The following SRFBP1 variants were observed in gnomAD, a reference collection of about 807,000 sequenced individuals.
SRFBP1 encodes the protein serum response factor binding protein 1, also known as serum response factor-binding protein 1.
A neutral mutation model predicts 45.5 loss-of-function variants in SRFBP1; 47 were observed. That is an observed-to-expected ratio of 1.03 (90% confidence interval 0.82 to 1.32). The LOEUF (loss-of-function observed/expected upper bound fraction) is 1.32, where lower values mean the gene tolerates loss of function less well. SRFBP1 is among the 40% of genes most tolerant of loss of function. The pLI, the probability that SRFBP1 is intolerant of heterozygous loss-of-function variation, is 0.00. For synonymous variants in SRFBP1, 203 were observed against 166.3 expected, an observed-to-expected ratio of 1.22 and a Z score of -1.70; for missense variants, 621 against 484.6, an observed-to-expected ratio of 1.28 and a Z score of -2.64.
rs185811516 is a variant in SRFBP1, at chr5:122,044,275, A to G, written n.311+21868A>G. On this transcript the variant is annotated intron_variant and non_coding_transcript_variant, in intron 2 of 2. Transcript: ENST00000504881. ...ATTGGTGATCATTTAGATTGATTCT[A>G]TGTCTTTGCTATTGTGAATAGGGCT... Among the ~76,000 whole-genome samples, 743 of 152,276 alleles carry G rather than the reference A, an allele frequency of 4.9e-3. 1 individual carries two copies. The highest frequency in any genetic ancestry group is 7.6e-3 in the Non-Finnish European group (516 of 68,016).
intron 3 of SRFBP1, among the ~76,000 whole-genome samples, chr5:121,983,933 G>A (rs1298972420): frequency 1.3e-5 from 2 of 151,724 alleles, no homozygotes; most frequent in African/African-American, 2.4e-5. Flanking sequence ...AATTTCTCAT[G>A]AGTATTAAAA....
At chr5:122,055,967 T>C (rs1754070743) in intron 2 of SRFBP1, among the ~76,000 whole-genome samples, 2 of 152,202 alleles carry the variant, frequency 1.3e-5, no homozygotes, top group African/African-American at 4.8e-5. Flanking sequence ...CCTTCATCTT[T>C]ATTTAAGGTA....
intron 2 of SRFBP1, among the ~76,000 whole-genome samples, chr5:122,036,259 C>T (rs1379030064): frequency 6.6e-6 from 1 of 152,054 alleles, no homozygotes; most frequent in Non-Finnish European, 1.5e-5. Flanking sequence ...GGTGAGTACT[C>T]ATCTGTGCTC....
chr5:122,037,674 A>G (rs1580539233), intron 2 of SRFBP1, among the ~76,000 whole-genome samples: 2 of 148,902 alleles, frequency 1.3e-5, no homozygotes, highest in African/African-American at 5.1e-5. Flanking sequence ...TTTATTTTGT[A>G]TTCTTTTTTT....
chr5:122,003,976 C>G (rs958117439), intron 4 of SRFBP1, among the ~76,000 whole-genome samples: 11 of 151,936 alleles, frequency 7.2e-5, no homozygotes, highest in African/African-American at 2.7e-4. Flanking sequence ...GCTCTGTCAC[C>G]CACACTGGAG....
intron 1 of SRFBP1, among the ~76,000 whole-genome samples, chr5:121,966,941 A>C (rs1050101267): frequency 2.5e-5 from 3 of 118,602 alleles, no homozygotes; most frequent in Admixed American, 1.9e-4. Flanking sequence ...CATCACGCCC[A>C]GCTAATTTTT....
At chr5:121,995,064 G>T (rs1039938702) in intron 4 of SRFBP1, among the ~76,000 whole-genome samples, 1 of 151,296 alleles carries the variant, frequency 6.6e-6, no homozygotes, top group East Asian at 1.9e-4. Context: ...CAATAATAAT[G>T]GGAGACTTTA....
At chr5:121,972,430 G>A (rs1752219530) in intron 1 of SRFBP1, among the ~76,000 whole-genome samples, 1 of 151,970 alleles carries the variant, frequency 6.6e-6, no homozygotes, top group South Asian at 2.1e-4. Flanking sequence ...GCATTGTAGA[G>A]TGAACTGAAC....
At chr5:122,034,645 A>G (rs899467142) in intron 2 of SRFBP1, among the ~76,000 whole-genome samples, 2 of 152,058 alleles carry the variant, frequency 1.3e-5, no homozygotes, top group African/African-American at 4.8e-5. Flanking sequence ...ATAACCTATT[A>G]TTATTATACC....
At chr5:121,992,590 C>T (rs1033499780) in intron 3 of SRFBP1, among the ~76,000 whole-genome samples, 31 of 152,036 alleles carry the variant, frequency 2.0e-4, no homozygotes, top group African/African-American at 4.3e-4. Context: ...GGCTCATGGA[C>T]GTCTTCCAGG....
chr5:122,049,839 CACA>C lies in SRFBP1; in HGVS notation n.312-25472_312-25470del, dbSNP rs1753937090. On this transcript the variant is annotated intron_variant and non_coding_transcript_variant, in intron 2 of 2. Transcript: ENST00000504881. ...TCTTTGAAACCAATGAGAACAAGGACACAACATACCAGAATCTCTGGGACACAT... is the reference window on the plus strand; with the variant it reads ...TCTTTGAAACCAATGAGAACAAGGACACATACCAGAATCTCTGGGACACAT... Among the ~76,000 whole-genome samples, 9 of 152,246 alleles carry C rather than the reference CACA, an allele frequency of 5.9e-5. No individual in the cohort carries two copies. The South Asian group carries it at 1.9e-3, about 32-fold the overall frequency.
rs780133813 is a variant in SRFBP1 at position 121,975,292 on chromosome 5, A to C, written c.126-23A>C. ...TAAAATTAATGCTTTGCCTGGCTAC[A>C]TATCGTAATGTATTTTTTGCAGGGG... On this transcript the variant is annotated intron_variant, in intron 2 of 7. Transcript: ENST00000339397. 20 of 1,611,456 alleles carry C rather than the reference A, an allele frequency of 1.2e-5. No homozygotes were observed. The East Asian group carries it at 4.2e-4, about 34-fold the overall frequency.
chr5:122,023,122 A>G (rs1398848879), intron 7 of SRFBP1, among the ~76,000 whole-genome samples: 1 of 152,240 alleles, frequency 6.6e-6, no homozygotes, highest in Admixed American at 6.5e-5. Context: ...ATTAGCCAGA[A>G]TTCAGTCACA....
At chr5:121,982,892 A>G (rs1363890507) in intron 3 of SRFBP1, among the ~76,000 whole-genome samples, 1 of 151,710 alleles carries the variant, frequency 6.6e-6, no homozygotes, top group East Asian at 1.9e-4. Flanking sequence ...AATTCTGGAA[A>G]TTTGAACCTA....
At chr5:121,993,732 A>G (rs1439177440) in intron 3 of SRFBP1, among the ~76,000 whole-genome samples, 2 of 152,240 alleles carry the variant, frequency 1.3e-5, no homozygotes, top group East Asian at 3.9e-4. Flanking sequence ...AATGCTTTTC[A>G]TAAGTTTTGA....
chr5:122,010,359 C>G (rs187775546), intron 4 of SRFBP1, among the ~76,000 whole-genome samples: 8 of 152,070 alleles, frequency 5.3e-5, no homozygotes, highest in Non-Finnish European at 1.0e-4. Flanking sequence ...TGCTCTGGGA[C>G]CAAATACATT....
intron 3 of SRFBP1, among the ~76,000 whole-genome samples, chr5:121,976,861 A>AT (rs1396694078): frequency 6.6e-6 from 1 of 150,536 alleles, no homozygotes; most frequent in East Asian, 1.9e-4. Flanking sequence ...AATTTGTTAA[A>AT]TTTTTTATAT....
At chr5:121,963,785 T>C (rs1472565483) in intron 1 of SRFBP1, among the ~76,000 whole-genome samples, 1 of 152,144 alleles carries the variant, frequency 6.6e-6, no homozygotes, top group Non-Finnish European at 1.5e-5. Context: ...GTCTAGTGTG[T>C]TCTAATGTGA....
chr5:122,019,968 A>T, intron 5 of SRFBP1, 120 bp from the exon 6 acceptor site: 1 of 593,914 alleles, frequency 1.7e-6, no homozygotes, highest in Non-Finnish European at 2.7e-6. Flanking sequence ...ATATGTATTT[A>T]ATATCAATTC....
Sources: gnomAD v4.1 joint callset for allele counts (sites outside exome capture counted in the v4.1 genomes callset) on GRCh38, gnomAD v4.1.1 for gene constraint, MANE v1.5 for transcripts, NCBI Gene and HGNC (gene_info 2026-07-23, HGNC 2026-07-21) for gene names.